SFXN5: variants seen among roughly 807,000 people sequenced by gnomAD.
The protein encoded by SFXN5 is sideroflexin-5.
Under a neutral mutation model 50.2 loss-of-function variants are expected in SFXN5, and 43 were observed. The observed-to-expected ratio is 0.86, with a 90% confidence interval of 0.67 to 1.11. SFXN5 has a LOEUF of 1.11. Among genes scored for constraint, SFXN5 ranks in the 50% least tolerant of loss-of-function variants. The probability of loss-of-function intolerance (pLI) is 0.00; values close to 1 mark genes in which losing one functional copy is unlikely to be tolerated. For missense variants in SFXN5, 463 were observed against 454.1 expected, an observed-to-expected ratio of 1.02 and a Z score of -0.18; for synonymous variants, 203 against 185.8, an observed-to-expected ratio of 1.09 and a Z score of -0.75.
chr2:73,014,518 C>T (rs1675913792), intron 6 of SFXN5, among the ~76,000 whole-genome samples: 1 of 152,148 alleles, frequency 6.6e-6, no homozygotes, highest in African/African-American at 2.4e-5. Flanking sequence ...CTTCACTATT[C>T]TTATCCCCTA....
chr2:73,022,801 C>G (rs1237274254), intron 4 of SFXN5, among the ~76,000 whole-genome samples: 1 of 152,198 alleles, frequency 6.6e-6, no homozygotes, highest in Non-Finnish European at 1.5e-5. Context: ...GGGCCATAAA[C>G]AGATAGCACC....
At position 72,963,543 on chromosome 2, in the gene SFXN5, G is replaced by C. The variant is rs573405392; in HGVS notation, c.828-2295C>G. Among the ~76,000 whole-genome samples, 48 of 152,202 alleles carry C rather than the reference G, an allele frequency of 3.2e-4. 1 individual carries two copies. The highest frequency in any genetic ancestry group is 3.4e-3 in the Middle Eastern group (1 of 294). ...ACACAGTAGGACAGGGGGAAGGGAGGGGGGAGGAAAATGGCAAGGAGGGAA... is the reference window on the plus strand; with the variant it reads ...ACACAGTAGGACAGGGGGAAGGGAGCGGGGAGGAAAATGGCAAGGAGGGAA... On this transcript the variant is annotated intron_variant, in intron 12 of 13. Coordinates refer to ENST00000272433, the MANE Select transcript of SFXN5 (RefSeq NM_144579.3).
chr2:72,959,125 A>G (rs1673427299), intron 13 of SFXN5, among the ~76,000 whole-genome samples: 1 of 152,126 alleles, frequency 6.6e-6, no homozygotes, highest in Non-Finnish European at 1.5e-5. Flanking sequence ...CCCTGCCTGA[A>G]GCAGGTCCAT....
intron 13 of SFXN5, among the ~76,000 whole-genome samples, chr2:72,955,654 C>T (rs1319644118): frequency 4.6e-5 from 7 of 152,232 alleles, no homozygotes; most frequent in Non-Finnish European, 1.0e-4. Context: ...CACCGGCTGT[C>T]AGAGTTAGAG....
At chr2:73,055,048 G>C (rs184328330) in intron 2 of SFXN5, among the ~76,000 whole-genome samples, 2 of 152,212 alleles carry the variant, frequency 1.3e-5, no homozygotes, top group East Asian at 1.9e-4. Flanking sequence ...TGGACATGAG[G>C]GGGGATGGTT....
intron 1 of SFXN5, among the ~76,000 whole-genome samples, chr2:73,061,473 T>C (rs1682803652): frequency 6.6e-6 from 1 of 152,206 alleles, no homozygotes; most frequent in Non-Finnish European, 1.5e-5. Context: ...GATGTCCTAA[T>C]GATACCATGT....
At chr2:73,005,198 G>A (rs1372590969) in intron 6 of SFXN5, among the ~76,000 whole-genome samples, 3 of 152,188 alleles carry the variant, frequency 2.0e-5, no homozygotes, top group Non-Finnish European at 2.9e-5. Flanking sequence ...ACCCTATCGC[G>A]CTGCAGGACC....
intron 10 of SFXN5, among the ~76,000 whole-genome samples, chr2:72,980,615 C>G (rs1574021462): frequency 6.6e-6 from 1 of 152,174 alleles, no homozygotes; most frequent in East Asian, 1.9e-4. Flanking sequence ...AAAAATCAGC[C>G]TGTAAGTCTA....
At chr2:73,007,893 T>C (rs1204981395) in intron 6 of SFXN5, among the ~76,000 whole-genome samples, 1 of 152,196 alleles carries the variant, frequency 6.6e-6, no homozygotes, top group African/African-American at 2.4e-5. Flanking sequence ...AAAATCTCTG[T>C]CAAATGAATG....
intron 6 of SFXN5, among the ~76,000 whole-genome samples, chr2:73,014,311 C>T (rs145078335): frequency 7.0e-4 from 107 of 152,298 alleles, no homozygotes; most frequent in African/African-American, 2.4e-3. Context: ...CCATATAATA[C>T]TATTAGATGG....
chr2:72,968,881 C>T (rs1043497072), intron 11 of SFXN5, among the ~76,000 whole-genome samples: 1 of 151,882 alleles, frequency 6.6e-6, no homozygotes, highest in Non-Finnish European at 1.5e-5. Flanking sequence ...CAGCTCACTT[C>T]AACCTCTGCC....
chr2:72,994,152 T>A (rs763114463), intron 9 of SFXN5, among the ~76,000 whole-genome samples: 8 of 152,158 alleles, frequency 5.3e-5, no homozygotes, highest in Non-Finnish European at 1.2e-4. Context: ...TGATTAAGCC[T>A]GGGTAGGCCC....
intron 1 of SFXN5, among the ~76,000 whole-genome samples, chr2:73,066,216 C>T (rs6729266): frequency 0.32 from 48,743 of 151,848 alleles, 11,023 homozygotes; most frequent in African/African-American, 0.62. Flanking sequence ...CGAACAACTG[C>T]TTCTTCAATA....
chr2:73,071,336 G>A (rs942692553), intron 1 of SFXN5: 52 of 445,086 alleles, frequency 1.2e-4, no homozygotes, highest in Middle Eastern at 5.8e-4. Context: ...GCCAATCACA[G>A]GGCGCCGCGG....
intron 13 of SFXN5, among the ~76,000 whole-genome samples, chr2:72,955,480 G>C (rs779558231): frequency 2.0e-5 from 3 of 152,262 alleles, no homozygotes; most frequent in African/African-American, 7.2e-5. Context: ...TGCGGTGGGG[G>C]AGAGCCCGAG....
At chr2:72,967,920 G>A (rs997501599) in intron 12 of SFXN5, among the ~76,000 whole-genome samples, 3 of 152,172 alleles carry the variant, frequency 2.0e-5, no homozygotes, top group Non-Finnish European at 4.4e-5. Context: ...AGATATGAGT[G>A]CTTAGAACAT....
At chr2:72,958,954 A>T (rs1673404312) in intron 13 of SFXN5, among the ~76,000 whole-genome samples, 1 of 151,874 alleles carries the variant, frequency 6.6e-6, no homozygotes, top group African/African-American at 2.4e-5. Flanking sequence ...GAAGGAAGCC[A>T]CCCCATTTCT....
chr2:73,052,889 C>T (rs1681561950), intron 2 of SFXN5, among the ~76,000 whole-genome samples: 2 of 152,130 alleles, frequency 1.3e-5, no homozygotes, highest in Admixed American at 6.5e-5. Flanking sequence ...TCAAGATTCC[C>T]CCACATGGCC....
In SFXN5 at chr2:72,953,696, G is replaced by T. The variant is rs1672782269; in HGVS notation, c.945+7435C>A. 6.6e-6 allele frequency among the ~76,000 whole-genome samples: 1 copy of T among 152,178 alleles called. No individual in the cohort carries two copies. ...GTGAGGTGAGACAGATCTTAGTGGG[G>T]AAGATCAGGGAGGACTTCCTGGAGG... On this transcript the variant is annotated intron_variant, in intron 13 of 13. Transcript: ENST00000272433. The surrounding 1 kb of genome is among the most constrained non-coding windows in gnomAD (Gnocchi z 4.1).
Sources: gnomAD v4.1 joint callset for allele counts (sites outside exome capture counted in the v4.1 genomes callset) on GRCh38, gnomAD v4.1.1 for gene constraint, Gnocchi (gnomAD v3.1) non-coding constraint, MANE v1.5 for transcripts, NCBI Gene and HGNC (gene_info 2026-07-23, HGNC 2026-07-21) for gene names.